TPGS2: variants seen among roughly 807,000 people sequenced by gnomAD.
TPGS2 encodes the protein polyglutamylase subunit 2.
Under a neutral mutation model 31.1 loss-of-function variants are expected in TPGS2, and 26 were observed. That is an observed-to-expected ratio of 0.84 (90% confidence interval 0.61 to 1.16). TPGS2 has a LOEUF of 1.16. TPGS2 is among the 50% of genes most tolerant of loss of function. The pLI is 0.00. For missense variants in TPGS2, 351 were observed against 363.8 expected (o/e 0.96, Z 0.29); for synonymous variants, 130 against 136.6 (o/e 0.95, Z 0.34).
intron 6 of TPGS2, among the ~76,000 whole-genome samples, chr18:36,784,979 T>C (rs1436479264): frequency 1.3e-5 from 2 of 152,140 alleles, no homozygotes; most frequent in Non-Finnish European, 2.9e-5. Context: ...GGCCTAGTCG[T>C]GTACAGGGTT....
chr18:36,826,920 G>A (rs1269944865), intron 1 of TPGS2, among the ~76,000 whole-genome samples: 1 of 151,996 alleles, frequency 6.6e-6, no homozygotes, highest in East Asian at 1.9e-4. Context: ...TTTCTAGTTT[G>A]TTGAGTTTTT....
chr18:36,825,375 C>A (rs569968767), intron 1 of TPGS2, among the ~76,000 whole-genome samples: 2 of 141,054 alleles, frequency 1.4e-5, no homozygotes, highest in Non-Finnish European at 3.0e-5. Context: ...GAGCTTGCAG[C>A]GAGTGAAGAG....
rs1213769865 is a variant in TPGS2, at chr18:36,786,228, AG to A, written c.658-3098del. ...AAGCATGGTTATGGCTGATAGAATAAGGGGTCAGTTAGCGTCTGGTGGTGTT... is the reference window on the plus strand; with the variant it reads ...AAGCATGGTTATGGCTGATAGAATAAGGGTCAGTTAGCGTCTGGTGGTGTT... On this transcript the variant is annotated intron_variant, in intron 6 of 6. Coordinates refer to the TPGS2 transcript ENST00000587129. Among the ~76,000 whole-genome samples, 3 of 152,098 alleles carry A rather than the reference AG, an allele frequency of 2.0e-5. No homozygotes were observed. The East Asian group carries it at 5.8e-4, about 29-fold the overall frequency.
rs1194133174 is a variant in TPGS2, at chr18:36,794,694, C to A, written c.*2111G>T. On this transcript the variant is annotated 3_prime_UTR_variant, in exon 7 of 7. Coordinates refer to ENST00000334295, the MANE Select transcript of TPGS2 (RefSeq NM_015476.4). ...ACTAAACTCCAGCTATTGTCCTCAACAACTTGGTCTCTCTATATCCTTTTC... is the reference window on the plus strand; with the variant it reads ...ACTAAACTCCAGCTATTGTCCTCAAAAACTTGGTCTCTCTATATCCTTTTC... The A allele has an allele frequency of 1.0e-6, 1 of 985,278 alleles. No homozygotes were observed. The highest frequency in any genetic ancestry group is 1.7e-5 in the African/African-American group (1 of 57,202). The allele number at this position is 985,278 out of a possible 1,614,324, so 61.0% of individuals were successfully genotyped here. A position where few individuals can be genotyped will look rare whatever the true frequency, so the allele number is the denominator to read the frequency against.
At chr18:36,807,696 T>G in intron 3 of TPGS2, 151 bp downstream of exon 3, 1 of 644,050 alleles carries the variant, frequency 1.6e-6, no homozygotes. Flanking sequence ...CTGTTAGTTT[T>G]GGGACATAAT....
At chr18:36,784,492 G>A (rs2044085462) in intron 6 of TPGS2, among the ~76,000 whole-genome samples, 1 of 152,216 alleles carries the variant, frequency 6.6e-6, no homozygotes, top group Non-Finnish European at 1.5e-5. Context: ...AAATGCCTTT[G>A]CAAATGCAGT....
At chr18:36,784,487 C>A (rs753489573) in intron 6 of TPGS2, among the ~76,000 whole-genome samples, 2 of 152,166 alleles carry the variant, frequency 1.3e-5, no homozygotes, top group African/African-American at 4.8e-5. Context: ...GGATGAAATG[C>A]CTTTGCAAAT....
chr18:36,827,220 T>C (rs542986489), intron 1 of TPGS2, among the ~76,000 whole-genome samples: 2 of 152,200 alleles, frequency 1.3e-5, no homozygotes, highest in African/African-American at 4.8e-5. Flanking sequence ...ACACTTGGTC[T>C]TGGACTTCTA....
intron 1 of TPGS2, among the ~76,000 whole-genome samples, chr18:36,822,172 G>A (rs74565398): frequency 0.035 from 5,272 of 152,302 alleles, 116 homozygotes; most frequent in Middle Eastern, 0.085. Context: ...TTTTGCCAAC[G>A]TGACCAGCAT....
chr18:36,805,699 G>A (rs1392891786), intron 3 of TPGS2, among the ~76,000 whole-genome samples, 197 bp from the exon 4 acceptor site: 1 of 152,154 alleles, frequency 6.6e-6, no homozygotes, highest in African/African-American at 2.4e-5. Context: ...AAAGGAACTG[G>A]GGGCCACGGG....
At chr18:36,807,785 C>G in intron 3 of TPGS2, 62 bp downstream of exon 3, 1 of 1,512,946 alleles carries the variant, frequency 6.6e-7, no homozygotes, top group Non-Finnish European at 9.1e-7. Context: ...GAAGGGCCCT[C>G]AGAGTTGTCC....
At position 36,818,951 on chromosome 18, in the gene TPGS2, C is replaced by T. The variant is rs1045781; in HGVS notation, c.108G>A (p.Glu36=). The change falls in exon 2 of 7, where the codon GAG becomes GAA. Residue 36 remains glutamate, a synonymous_variant. Transcript: ENST00000334295. ...RILESSPGVT[E]VTIIEKPPAE... ...CAGGAGGCTTTTCTATGATGGTCAC[C>T]TCAGTCACACCTGGGGAAGATTCTG... is the stretch of plus-strand genomic sequence containing the variant. 405,182 of 1,611,098 alleles carry T rather than the reference C, an allele frequency of 0.25. 55,015 individuals carry two copies. The highest frequency in any genetic ancestry group is 0.28 in the Non-Finnish European group (324,970 of 1,177,950).
In TPGS2 at chr18:36,795,926, A is replaced by G. The variant is rs954342681; in HGVS notation, c.*879T>C. The G allele has an allele frequency of 2.0e-6, 2 of 985,470 alleles. No individual in the cohort carries two copies. The highest frequency in any genetic ancestry group is 1.7e-5 in the African/African-American group (1 of 57,368). The allele number at this position is 985,470 out of a possible 1,614,324, so 61.0% of individuals were successfully genotyped here. A position where few individuals can be genotyped will look rare whatever the true frequency, so the allele number is the denominator to read the frequency against. The stretch of plus-strand genomic sequence containing the variant: ...TCTTTATGAAGAGTTGTGCAAAACA[A>G]TGTTTGGGAATTTTTTGTTTTTAAA... On this transcript the variant is annotated 3_prime_UTR_variant, in exon 7 of 7. Transcript: ENST00000334295.
intron 2 of TPGS2, among the ~76,000 whole-genome samples, chr18:36,812,320 G>A (rs2045465859): frequency 6.6e-6 from 1 of 152,194 alleles, no homozygotes; most frequent in Non-Finnish European, 1.5e-5. Flanking sequence ...ACCAAGGCAG[G>A]CAGTGGGTTG....
At chr18:36,812,992 A>G (rs1219635323) in intron 2 of TPGS2, among the ~76,000 whole-genome samples, 2 of 152,238 alleles carry the variant, frequency 1.3e-5, no homozygotes, top group Non-Finnish European at 2.9e-5. Flanking sequence ...ACTCAGAGGC[A>G]CCATAAAGAA....
downstream of TPGS2, chr18:36,780,080 G>T (rs2043965517): frequency 1.5e-5 from 17 of 1,148,948 alleles, no homozygotes; most frequent in Non-Finnish European, 1.9e-5. Context: ...TTATTCTTCT[G>T]GGAACAGGAC....
Position 36,796,281 on chromosome 18 carries a change from CT to C in TPGS2, c.*523del, listed in dbSNP as rs2044522167. Reference sequence around the variant, plus strand: ...TCTAATGCAGTGCTGTCCAACAGAACTTTCTGTGGTGATGGAAATGTTCCAT... The same window carrying C: ...TCTAATGCAGTGCTGTCCAACAGAACTTCTGTGGTGATGGAAATGTTCCAT... On this transcript the variant is annotated 3_prime_UTR_variant, in exon 7 of 7. Coordinates refer to ENST00000334295, the MANE Select transcript of TPGS2 (RefSeq NM_015476.4). 1.0e-6 allele frequency: 1 copy of C among 984,578 alleles called. No individual in the cohort carries two copies. The highest frequency in any genetic ancestry group is 1.7e-5 in the African/African-American group (1 of 57,224). The allele number at this position is 984,578 out of a possible 1,614,324, so 61.0% of individuals were successfully genotyped here.
At chr18:36,802,917 C>T (rs1010463720) in intron 4 of TPGS2, among the ~76,000 whole-genome samples, 24 of 152,210 alleles carry the variant, frequency 1.6e-4, no homozygotes, top group Admixed American at 1.4e-3. Flanking sequence ...TGAGCTACCG[C>T]ACCCGGCCCT....
At chr18:36,824,147 G>A (rs986887181) in intron 1 of TPGS2, among the ~76,000 whole-genome samples, 9 of 152,072 alleles carry the variant, frequency 5.9e-5, no homozygotes, top group African/African-American at 2.2e-4. Context: ...TTTGCAACTG[G>A]CTTCTCTCAC....
Sources: gnomAD v4.1 joint callset for allele counts (sites outside exome capture counted in the v4.1 genomes callset) on GRCh38, gnomAD v4.1.1 for gene constraint, MANE v1.5 for transcripts, NCBI Gene and HGNC (gene_info 2026-07-23, HGNC 2026-07-21) for gene names.